MYH14: variants seen among roughly 807,000 people sequenced by gnomAD.
MYH14 encodes the protein myosin-14.
MYH14 carries 123 observed loss-of-function variants against 255.5 expected under a neutral mutation model. The ratio of observed to expected loss-of-function variants is 0.48; its 90% CI spans 0.42 to 0.56. The LOEUF is 0.56. Ranked by LOEUF, MYH14 falls within the 20% of genes least tolerant of loss-of-function variation. MYH14 has a pLI of 0.00. For synonymous variants in MYH14, 1,095 were observed against 1,161.2 expected, an observed-to-expected ratio of 0.94 and a Z score of 1.16; for missense variants, 2,423 against 2,802.3, an observed-to-expected ratio of 0.86 and a Z score of 3.06.
chr19:50,309,591 C>A, intron 42 of MYH14, 49 bp from the exon 43 acceptor site: 1 of 1,334,612 alleles, frequency 7.5e-7, no homozygotes, highest in Non-Finnish European at 1.1e-6. Context: ...TTCTCCTCCC[C>A]TCCCCTCCCC....
intron 24 of MYH14, among the ~76,000 whole-genome samples, chr19:50,270,058 A>T (rs547951817): frequency 6.6e-6 from 1 of 152,154 alleles, no homozygotes; most frequent in Non-Finnish European, 1.5e-5. Context: ...ACAAAAACAA[A>T]AACACAAAAA....
At chr19:50,290,785 C>A in intron 35 of MYH14, 102 bp from the exon 36 acceptor site, 1 of 1,260,282 alleles carries the variant, frequency 7.9e-7, no homozygotes, top group Non-Finnish European at 1.1e-6. Flanking sequence ...GCGGGGCTTG[C>A]AGCCTGGGCA....
chr19:50,229,834 C>T (rs2033286663), intron 8 of MYH14, among the ~76,000 whole-genome samples: 1 of 152,098 alleles, frequency 6.6e-6, no homozygotes, highest in Non-Finnish European at 1.5e-5. Flanking sequence ...CTGCGGGTAA[C>T]TTTGAACCAG....
intron 3 of MYH14, among the ~76,000 whole-genome samples, chr19:50,218,900 G>A (rs374321282): frequency 6.6e-6 from 1 of 151,436 alleles, no homozygotes; most frequent in Middle Eastern, 3.2e-3. Flanking sequence ...TACAATAATG[G>A]TCTCCAATTT....
intron 40 of MYH14, among the ~76,000 whole-genome samples, chr19:50,302,690 C>G (rs1279043873): frequency 1.3e-5 from 2 of 152,072 alleles, no homozygotes; most frequent in East Asian, 1.9e-4. Context: ...CACCTGAGGT[C>G]GGGAGTTCGA....
intron 2 of MYH14, among the ~76,000 whole-genome samples, chr19:50,213,699 G>A (rs2032320987): frequency 6.6e-6 from 1 of 152,178 alleles, no homozygotes; most frequent in South Asian, 2.1e-4. Flanking sequence ...ATCCACATAA[G>A]GTTGTGAGGT....
Position 50,291,047 on chromosome 19 carries a change from A to G in MYH14, c.5126A>G (p.Gln1709Arg), listed in dbSNP as rs1266874827. Reference protein sequence around the residue: ...EEAVKQLRKMQAQMKELWREV... With the variant: ...EEAVKQLRKMRAQMKELWREV... ...GCGGTGAAGCAGCTTCGCAAGATGCAGGTAAGAGCCGGCGTGAGCTGCAGG... is the reference window on the plus strand; with the variant it reads ...GCGGTGAAGCAGCTTCGCAAGATGCGGGTAAGAGCCGGCGTGAGCTGCAGG... Residue 1709 changes from glutamine (Q) to arginine (R), a missense_variant and splice_region_variant, in exon 36 of 43, where the codon CAG (glutamine) becomes CGG (arginine). Coordinates refer to ENST00000642316, the MANE Select transcript of MYH14 (RefSeq NM_001145809.2). 6.2e-7 allele frequency: 1 copy of G among 1,612,694 alleles called. No homozygotes were observed. Among genetic ancestry groups the G allele is most frequent in the South Asian group, 1.1e-5 (1 of 90,772 alleles).
chr19:50,253,223 A>T (rs2034466945), intron 16 of MYH14, among the ~76,000 whole-genome samples: 1 of 152,120 alleles, frequency 6.6e-6, no homozygotes, highest in African/African-American at 2.4e-5. Flanking sequence ...TGGGCGGATC[A>T]CTTGAGGTCA....
intron 24 of MYH14, among the ~76,000 whole-genome samples, chr19:50,271,104 T>A (rs1488981613): frequency 1.3e-5 from 2 of 152,110 alleles, no homozygotes; most frequent in Admixed American, 1.3e-4. Flanking sequence ...TCTCGCTCTG[T>A]TACCCAGACT....
At chr19:50,231,030 C>T (rs549764993) in intron 9 of MYH14, 8 of 250,210 alleles carry the variant, frequency 3.2e-5, no homozygotes, top group Admixed American at 5.0e-5. Flanking sequence ...CGTGCTGCCT[C>T]GTGCTCCCCT....
At chr19:50,262,376 G>C (rs1299241030) in intron 21 of MYH14, among the ~76,000 whole-genome samples, 1 of 151,978 alleles carries the variant, frequency 6.6e-6, no homozygotes, top group African/African-American at 2.4e-5. Flanking sequence ...TGGCCAACAT[G>C]GTGAAACCCC....
chr19:50,309,394 C>G, intron 42 of MYH14: 1 of 620,326 alleles, frequency 1.6e-6, no homozygotes, highest in South Asian at 1.9e-5. Context: ...GCCCTCCTTT[C>G]CCACCGTGCA....
At position 50,293,784 on chromosome 19, in the gene MYH14, T is replaced by C. The variant is rs144388371; in HGVS notation, c.5469+97T>C. On this transcript the variant is annotated intron_variant, in intron 39 of 42. Transcript: ENST00000642316. The surrounding 1 kb of genome is among the most constrained non-coding windows in gnomAD (Gnocchi z 4.1). Reference sequence around the variant, plus strand: ...TTCAACAAATATAGAAAGGGGATATTTGAGTTGGGTTTTGAAGGTTGAATA... The same window carrying C: ...TTCAACAAATATAGAAAGGGGATATCTGAGTTGGGTTTTGAAGGTTGAATA... 48 of 1,372,980 alleles carry C rather than the reference T, an allele frequency of 3.5e-5. No homozygotes were observed. Among genetic ancestry groups the C allele is most frequent in the Admixed American group, 4.9e-5 (2 of 40,476 alleles). 85.0% of individuals were successfully genotyped at this position (1,372,980 alleles called of 1,614,324 possible).
At chr19:50,211,075 T>C (rs1386977639) in intron 2 of MYH14, among the ~76,000 whole-genome samples, 1 of 152,196 alleles carries the variant, frequency 6.6e-6, no homozygotes, top group African/African-American at 2.4e-5. Flanking sequence ...CGGAAACAGA[T>C]GTGTGACAAT....
At chr19:50,262,105 A>G (rs75751753) in intron 21 of MYH14, among the ~76,000 whole-genome samples, 13,827 of 152,128 alleles carry the variant, frequency 0.091, 927 homozygotes, top group East Asian at 0.3. Flanking sequence ...GCTGCAGGCC[A>G]TGACTCCCCC....
intron 20 of MYH14, 59 bp downstream of exon 20, chr19:50,260,774 T>C (rs1012690793): frequency 8.1e-7 from 1 of 1,235,132 alleles, no homozygotes. Context: ...TGCATGAGTG[T>C]GCGTGCATGT....
At chr19:50,248,610 A>G (rs1433455105) in intron 12 of MYH14, among the ~76,000 whole-genome samples, 2 of 152,192 alleles carry the variant, frequency 1.3e-5, no homozygotes, top group African/African-American at 4.8e-5. Context: ...CAGAGGAGAA[A>G]ACTGAGGCAC....
At chr19:50,207,314 A>AGAGAGAGT (rs1421706994) in intron 1 of MYH14, among the ~76,000 whole-genome samples, 1 of 143,948 alleles carries the variant, frequency 6.9e-6, no homozygotes, top group Non-Finnish European at 1.5e-5. Context: ...AGAGAGAGAG[A>AGAGAGAGT]CTAGGGGCAG....
chr19:50,260,183 T>C (rs545994245), intron 19 of MYH14, among the ~76,000 whole-genome samples: 36 of 152,314 alleles, frequency 2.4e-4, no homozygotes, highest in South Asian at 1.2e-3. Flanking sequence ...CCCCAGCACT[T>C]TGGGAGGCCG....
Sources: allele counts gnomAD v4.1 joint callset (sites outside exome capture counted in the v4.1 genomes callset), GRCh38; gene constraint gnomAD v4.1.1; non-coding constraint Gnocchi (gnomAD v3.1); transcripts MANE v1.5; gene names NCBI Gene and HGNC (gene_info 2026-07-23, HGNC 2026-07-21).